KLHL32: variants seen among roughly 807,000 people sequenced by gnomAD.
KLHL32 encodes kelch-like protein 32.
A neutral mutation model predicts 64.8 loss-of-function variants in KLHL32; 35 were observed. That is an observed-to-expected ratio of 0.54 (90% CI 0.41 to 0.72). The LOEUF (loss-of-function observed/expected upper bound fraction) is 0.72. Among genes scored for constraint, KLHL32 ranks in the 30% least tolerant of loss-of-function variants. The pLI, the probability that KLHL32 is intolerant of heterozygous loss-of-function variation, is 0.00. For missense variants in KLHL32, 589 were observed against 768.5 expected (o/e 0.77, Z 2.76); for synonymous variants, 259 against 281.0 (o/e 0.92, Z 0.78).
At chr6:96,925,682 A>T (rs1330952956) in intron 1 of KLHL32, among the ~76,000 whole-genome samples, 1 of 152,224 alleles carries the variant, frequency 6.6e-6, no homozygotes, top group Non-Finnish European at 1.5e-5. Context: ...ATGAGCTTCT[A>T]TTGTAAATTG....
At chr6:96,948,412 A>T (rs2128006901) in intron 1 of KLHL32, among the ~76,000 whole-genome samples, 1 of 152,238 alleles carries the variant, frequency 6.6e-6, no homozygotes, top group East Asian at 1.9e-4. Context: ...TGGAGAAAAA[A>T]AATTCAACCA....
rs1220337974 is a variant in KLHL32 at position 96,976,275 on chromosome 6, C to T, written c.204+98C>T. 8.7e-6 allele frequency: 10 copies of T among 1,152,844 alleles called. No homozygotes were observed. In the East Asian group the frequency reaches 2.3e-4, roughly 27 times the overall value. 71.4% of individuals were successfully genotyped at this position (1,152,844 alleles called of 1,614,324 possible). A position where few individuals can be genotyped will look rare whatever the true frequency, so the allele number is the denominator to read the frequency against. ...AAACCAGGAGCCAATTAGGTGGTAC[C>T]CCCAGAGCTGAATGGTGGGGGCCTT... On this transcript the variant is annotated intron_variant, in intron 3 of 10. Coordinates refer to ENST00000369261, the MANE Select transcript of KLHL32 (RefSeq NM_052904.4).
chr6:97,046,523 G>A (rs1192976236), intron 4 of KLHL32, among the ~76,000 whole-genome samples: 1 of 151,910 alleles, frequency 6.6e-6, no homozygotes, highest in Non-Finnish European at 1.5e-5. Flanking sequence ...AGTCCATGAG[G>A]GCTTAGACTT....
At chr6:97,064,442 G>A (rs529715265) in intron 4 of KLHL32, among the ~76,000 whole-genome samples, 186 bp from the exon 5 acceptor site, 1 of 152,280 alleles carries the variant, frequency 6.6e-6, no homozygotes, top group East Asian at 1.9e-4. Flanking sequence ...GGCTGTTAGA[G>A]TAAGGGCCAC....
chr6:97,130,669 G>A, intron 8 of KLHL32, 88 bp from the exon 9 acceptor site: 1 of 924,558 alleles, frequency 1.1e-6, no homozygotes, highest in Non-Finnish European at 1.6e-6. Context: ...ATAAACATTA[G>A]GGTTCTCACT....
At chr6:96,964,717 C>T (rs377094706) in intron 1 of KLHL32, among the ~76,000 whole-genome samples, 183 of 152,192 alleles carry the variant, frequency 1.2e-3, no homozygotes, top group Non-Finnish European at 2.0e-3. Flanking sequence ...TCAATATATA[C>T]ATTTTAATCA....
At chr6:97,016,033 A>T (rs1390188365) in intron 3 of KLHL32, among the ~76,000 whole-genome samples, 1 of 152,206 alleles carries the variant, frequency 6.6e-6, no homozygotes, top group Admixed American at 6.5e-5. Context: ...GATTTAGAGG[A>T]TGTATGGAAA....
intron 3 of KLHL32, among the ~76,000 whole-genome samples, chr6:97,027,615 AC>A (rs2128110747): frequency 6.6e-6 from 1 of 152,348 alleles, no homozygotes; most frequent in South Asian, 2.1e-4. Context: ...GAAAGTTCTT[AC>A]CACTGCCACC....
At chr6:96,952,801 T>C (rs948046005) in intron 1 of KLHL32, among the ~76,000 whole-genome samples, 13 of 152,240 alleles carry the variant, frequency 8.5e-5, no homozygotes, top group Admixed American at 8.5e-4. Flanking sequence ...TTGTAGAACC[T>C]AAGGTTGGTC....
rs1419276015 is a variant in KLHL32, at chr6:97,002,645, G to A, written c.204+26468G>A. ...CCTCCAACCCTCCACTCTCAAGTAG[G>A]CCCCACTGTCTATTGTTCCCTTCTT... On this transcript the variant is annotated intron_variant, in intron 3 of 10. Transcript: ENST00000369261. 6.6e-5 allele frequency among the ~76,000 whole-genome samples: 10 copies of A among 152,022 alleles called. No individual in the cohort carries two copies. In the East Asian group the frequency reaches 1.9e-3, roughly 29 times the overall value.
chr6:97,066,632 A>G (rs1789793210), intron 5 of KLHL32, among the ~76,000 whole-genome samples: 1 of 152,180 alleles, frequency 6.6e-6, no homozygotes, highest in Admixed American at 6.5e-5. Flanking sequence ...TCAAACTTGT[A>G]GAAGGAAATT....
the KLHL32 span, among the ~76,000 whole-genome samples, chr6:96,918,179 C>T: frequency 1.3e-5 from 2 of 152,150 alleles, no homozygotes; most frequent in African/African-American, 2.4e-5. Context: ...TAGTCTCACT[C>T]GCAATATCTA....
intron 5 of KLHL32, among the ~76,000 whole-genome samples, chr6:97,074,920 C>T (rs1791360745): frequency 6.6e-6 from 1 of 151,792 alleles, no homozygotes; most frequent in African/African-American, 2.4e-5. Flanking sequence ...TGGCAATCTC[C>T]TTACGTGCTG....
At chr6:96,961,562 GAA>G (rs1349876430) in intron 1 of KLHL32, among the ~76,000 whole-genome samples, 1 of 152,150 alleles carries the variant, frequency 6.6e-6, no homozygotes, top group Non-Finnish European at 1.5e-5. Context: ...TTGCAAAAAA[GAA>G]AAGACTTTAT....
At chr6:97,039,089 CAA>C (rs535614966) in intron 3 of KLHL32, among the ~76,000 whole-genome samples, 16 of 75,046 alleles carry the variant, frequency 2.1e-4, no homozygotes, top group Non-Finnish European at 2.0e-4. Flanking sequence ...GACTCTGTCT[CAA>C]AAAAAAAAAA....
Position 96,969,275 on chromosome 6 carries a change from G to A in KLHL32, c.23+2192G>A, listed in dbSNP as rs1044514062. ...GTAATTGCTCTGTTTCTGAAATCAC[G>A]CTATCAGCCATTTTACTCTTACCAC... is the stretch of plus-strand genomic sequence containing the variant. On this transcript the variant is annotated intron_variant, in intron 2 of 10. Transcript: ENST00000369261. Among the ~76,000 whole-genome samples the A allele has an allele frequency of 5.3e-5, 8 of 152,150 alleles. No individual in the cohort carries two copies. The East Asian group carries it at 7.7e-4, about 15-fold the overall frequency.
At chr6:97,042,937 T>A (rs1264535539) in intron 4 of KLHL32, among the ~76,000 whole-genome samples, 1 of 152,228 alleles carries the variant, frequency 6.6e-6, no homozygotes, top group African/African-American at 2.4e-5. Flanking sequence ...TCCCTCAGGG[T>A]GTGAGTGAGT....
intron 3 of KLHL32, among the ~76,000 whole-genome samples, chr6:97,025,848 A>C (rs1782649578): frequency 6.6e-6 from 1 of 152,196 alleles, no homozygotes; most frequent in South Asian, 2.1e-4. Flanking sequence ...CAGAGTTGTG[A>C]AAATAAAACT....
At chr6:97,123,386 T>C (rs915286762) in intron 7 of KLHL32, among the ~76,000 whole-genome samples, 1 of 152,180 alleles carries the variant, frequency 6.6e-6, no homozygotes, top group Non-Finnish European at 1.5e-5. Flanking sequence ...TTAAGAAAAA[T>C]GCTTTTCTCC....
Sources: allele counts gnomAD v4.1 joint callset (sites outside exome capture counted in the v4.1 genomes callset), GRCh38; gene constraint gnomAD v4.1.1; transcripts MANE v1.5; gene names NCBI Gene and HGNC (gene_info 2026-07-23, HGNC 2026-07-21).